MARCHF7: variants seen among roughly 807,000 people sequenced by gnomAD.
The protein encoded by MARCHF7 is E3 ubiquitin-protein ligase MARCHF7.
A neutral mutation model predicts 76.5 loss-of-function variants in MARCHF7; 20 were observed. The observed-to-expected ratio is 0.26, with a 90% CI of 0.18 to 0.38. The LOEUF (loss-of-function observed/expected upper bound fraction) is 0.38, where lower values mean the gene tolerates loss of function less well. Ranked by LOEUF, MARCHF7 falls within the 10% of genes least tolerant of loss-of-function variation. The pLI, the probability that MARCHF7 is intolerant of heterozygous loss-of-function variation, is 1.00. For missense variants in MARCHF7, 797 were observed against 812.9 expected (o/e 0.98, Z 0.24); for synonymous variants, 295 against 293.0 (o/e 1.01, Z -0.07).
intron 3 of MARCHF7, among the ~76,000 whole-genome samples, chr2:159,726,844 A>G (rs934387348): frequency 6.6e-6 from 1 of 152,188 alleles, no homozygotes; most frequent in Non-Finnish European, 1.5e-5. Flanking sequence ...TGATTTGACT[A>G]TAATTATTTT....
At chr2:159,733,057 A>G in intron 4 of MARCHF7, 6 of 600,746 alleles carry the variant, frequency 1.0e-5, no homozygotes, top group Non-Finnish European at 1.2e-5. Flanking sequence ...TGTTATTTTT[A>G]TTTAGTTATA....
At position 159,723,654 on chromosome 2, in the gene MARCHF7, T is replaced by C. The variant is rs150015375; in HGVS notation, c.-14-5355T>C. On this transcript the variant is annotated intron_variant, in intron 3 of 11. Coordinates refer to ENST00000409175, the MANE Select transcript of MARCHF7 (RefSeq NM_001282805.2). ...TACCATTCTTATTTCCACTGCCCAC[T>C]TCCATCTCACAATATGTAGCAAATT... Among the ~76,000 whole-genome samples, 288 of 152,316 alleles carry C rather than the reference T, an allele frequency of 1.9e-3. 1 individual carries two copies. The East Asian group carries it at 0.044, about 23-fold the overall frequency.
chr2:159,730,387 CAA>C (rs934279756), intron 4 of MARCHF7, among the ~76,000 whole-genome samples: 1 of 152,076 alleles, frequency 6.6e-6, no homozygotes, highest in East Asian at 1.9e-4. Context: ...TGATATATGA[CAA>C]AGTCTCATAA....
intron 9 of MARCHF7, 113 bp downstream of exon 9, chr2:159,759,448 AG>A: frequency 2.0e-6 from 1 of 491,532 alleles, no homozygotes; most frequent in Non-Finnish European, 3.6e-6. Flanking sequence ...TAATAATAAC[AG>A]TGATAATGTT....
chr2:159,715,493 C>T (rs147919360), intron 2 of MARCHF7, among the ~76,000 whole-genome samples, 188 bp from the exon 3 acceptor site: 45 of 152,008 alleles, frequency 3.0e-4, no homozygotes, highest in African/African-American at 8.7e-4. Flanking sequence ...ACTACAGGTG[C>T]GCGCCACCAT....
In MARCHF7 at chr2:159,752,441, A is replaced by C. The variant is rs574386868; in HGVS notation, c.1653A>C (p.Leu551Phe). 2 of 1,605,046 alleles carry C rather than the reference A, an allele frequency of 1.2e-6. No homozygotes were observed. The highest frequency in any genetic ancestry group is 2.2e-5 in the South Asian group (2 of 89,102). Residue 551 changes from leucine to phenylalanine, a missense_variant, in exon 8 of 12, where the codon TTA becomes TTC. Transcript: ENST00000409175. ...ACTCAGAAGAAGAAGAAGGTGACTT[A>C]TGTAGAATTTGTCAAATGGCAGCTG... is the stretch of plus-strand genomic sequence containing the variant. ...LEDSEEEEGD[L>F]CRICQMAAAS... is the part of the protein sequence containing the mutation.
intron 2 of MARCHF7, among the ~76,000 whole-genome samples, chr2:159,714,903 A>G (rs1700862177): frequency 6.6e-6 from 1 of 152,224 alleles, no homozygotes. Flanking sequence ...CCTGCACCAC[A>G]GAGTGAGACC....
At chr2:159,723,338 G>A (rs1203718047) in intron 3 of MARCHF7, among the ~76,000 whole-genome samples, 1 of 152,176 alleles carries the variant, frequency 6.6e-6, no homozygotes, top group Non-Finnish European at 1.5e-5. Context: ...TCCAAATGAG[G>A]CCACTTTTAA....
At chr2:159,755,852 T>C (rs560483343) in intron 8 of MARCHF7, among the ~76,000 whole-genome samples, 2 of 152,240 alleles carry the variant, frequency 1.3e-5, no homozygotes, top group African/African-American at 4.8e-5. Flanking sequence ...AGTTGGAGAT[T>C]ATGAGGATAC....
In MARCHF7 at chr2:159,752,433, G is replaced by C. The variant is rs1290693473; in HGVS notation, c.1645G>C (p.Gly549Arg). The C allele has an allele frequency of 6.9e-6, 11 of 1,599,450 alleles. No homozygotes were observed. Among genetic ancestry groups the C allele is most frequent in the Non-Finnish European group, 7.7e-6 (9 of 1,174,354 alleles). ...LLLEDSEEEE[G>R]DLCRICQMAA... ...TTTAGAGGACTCAGAAGAAGAAGAA[G>C]GTGACTTATGTAGAATTTGTCAAAT... The change falls in exon 8 of 12, where the codon GGT becomes CGT. Residue 549 changes from glycine to arginine, a missense_variant. Physicochemically the swap from Gly to Arg is moderately radical, Grantham distance 125. Transcript: ENST00000409175.
At position 159,768,752 on chromosome 2, in the gene MARCHF7, A is replaced by T. The variant is rs1708032645; in HGVS notation, c.*1410A>T. The T allele has an allele frequency of 1.3e-5, 2 of 152,344 alleles. No homozygotes were observed. Among genetic ancestry groups the T allele is most frequent in the African/African-American group, 4.8e-5 (2 of 41,454 alleles). The allele number at this position is 152,344 out of a possible 1,614,324, so 9.4% of individuals were successfully genotyped here. On this transcript the variant is annotated 3_prime_UTR_variant, in exon 12 of 12. Coordinates refer to ENST00000409175, the MANE Select transcript of MARCHF7 (RefSeq NM_001282805.2). Reference sequence around the variant, plus strand: ...TGTCTGTCTTAAAGCAAAAATATAAAATTTAAGGGTGGTAGTTTTAATATA... The same window carrying T: ...TGTCTGTCTTAAAGCAAAAATATAATATTTAAGGGTGGTAGTTTTAATATA...
intron 3 of MARCHF7, among the ~76,000 whole-genome samples, chr2:159,723,597 A>T (rs1451281551): frequency 6.6e-6 from 1 of 152,142 alleles, no homozygotes; most frequent in East Asian, 1.9e-4. Flanking sequence ...CAGTGTGCTT[A>T]TACTGTTATT....
intron 4 of MARCHF7, among the ~76,000 whole-genome samples, chr2:159,735,289 A>G (rs552156145): frequency 6.6e-6 from 1 of 152,360 alleles, no homozygotes; most frequent in South Asian, 2.1e-4. Flanking sequence ...GCATTACATG[A>G]TTTTTAATTA....
At chr2:159,766,875 A>T (rs1236947114) in intron 11 of MARCHF7, among the ~76,000 whole-genome samples, 2 of 152,138 alleles carry the variant, frequency 1.3e-5, no homozygotes, top group African/African-American at 4.8e-5. Context: ...TTCTCATCGG[A>T]TGCACCAAAC....
At chr2:159,721,421 T>C (rs1285016913) in intron 3 of MARCHF7, among the ~76,000 whole-genome samples, 1 of 152,236 alleles carries the variant, frequency 6.6e-6, no homozygotes, top group Non-Finnish European at 1.5e-5. Flanking sequence ...TTTACTCTTG[T>C]TGCTGTGTCA....
At chr2:159,747,265 G>A (rs1705015997) in intron 6 of MARCHF7, among the ~76,000 whole-genome samples, 2 of 151,998 alleles carry the variant, frequency 1.3e-5, no homozygotes, top group African/African-American at 2.4e-5. Flanking sequence ...AACCACAGCT[G>A]TTAACCTGAA....
chr2:159,734,087 G>A, intron 4 of MARCHF7: 1 of 1,330,426 alleles, frequency 7.5e-7, no homozygotes, highest in Non-Finnish European at 9.9e-7. Context: ...GTAACAGTAA[G>A]CAAAATTTAC....
intron 7 of MARCHF7, among the ~76,000 whole-genome samples, chr2:159,749,460 G>A: frequency 6.6e-6 from 1 of 151,924 alleles, no homozygotes; most frequent in East Asian, 1.9e-4. Context: ...CAATTCTCCT[G>A]CCTCAGCCTC....
intron 5 of MARCHF7, among the ~76,000 whole-genome samples, chr2:159,745,423 G>A (rs1704734626): frequency 6.6e-6 from 1 of 152,208 alleles, no homozygotes; most frequent in African/African-American, 2.4e-5. Context: ...GGGAGGCCGG[G>A]GTGGGCGGAT....
Sources: allele counts gnomAD v4.1 joint callset (sites outside exome capture counted in the v4.1 genomes callset), GRCh38; gene constraint gnomAD v4.1.1; transcripts MANE v1.5; gene names NCBI Gene and HGNC (gene_info 2026-07-23, HGNC 2026-07-21).